The following SP140 variants were observed in gnomAD, a reference collection of about 807,000 sequenced individuals.
The protein encoded by SP140 is nuclear body protein SP140.
A neutral mutation model predicts 125.0 loss-of-function variants in SP140; 81 were observed. The observed-to-expected ratio is 0.65, with a 90% CI of 0.54 to 0.78. The LOEUF (loss-of-function observed/expected upper bound fraction) is 0.78. Among genes scored for constraint, SP140 ranks in the 30% least tolerant of loss-of-function variants. SP140 has a pLI of 0.00. For missense variants in SP140, 858 were observed against 1,037.0 expected, an observed-to-expected ratio of 0.83 and a Z score of 2.37; for synonymous variants, 312 against 354.0, an observed-to-expected ratio of 0.88 and a Z score of 1.33.
Position 230,269,606 on chromosome 2 carries a change from G to T in SP140, c.1315G>T (p.Asp439Tyr). The T allele has an allele frequency of 6.4e-7, 1 of 1,558,450 alleles. No homozygotes were observed. The highest frequency in any genetic ancestry group is 1.2e-5 in the South Asian group (1 of 85,438). The change falls in exon 13 of 27, where the codon GAT becomes TAT. Residue 439 changes from aspartate to tyrosine, a missense_variant. Asp to Tyr is a radical substitution (Grantham distance 160, BLOSUM62 -3). Around this residue, in one of 4 missense-constraint regions of SP140, gnomAD observed 791 missense variants for 869.5 expected, o/e 0.91. Coordinates refer to ENST00000392045, the MANE Select transcript of SP140 (RefSeq NM_007237.5). ...SEELASSLLY[D>Y]NVPGAEQSAY... ...AGAGCTTGCTTCTAGCCTGCTATATGATAATGTACCAGGTAATTATGACTT... is the reference window on the plus strand; with the variant it reads ...AGAGCTTGCTTCTAGCCTGCTATATTATAATGTACCAGGTAATTATGACTT...
chr2:230,243,655 CATT>C (rs979502135), intron 4 of SP140, 73 bp from the exon 5 acceptor site: 49 of 1,194,184 alleles, frequency 4.1e-5, no homozygotes, highest in Non-Finnish European at 5.5e-5. Flanking sequence ...TTAGTTTTCT[CATT>C]ATTTGTTTTC....
intron 12 of SP140, among the ~76,000 whole-genome samples, chr2:230,268,355 C>G (rs2053435025): frequency 6.6e-6 from 1 of 152,034 alleles, no homozygotes; most frequent in South Asian, 2.1e-4. Context: ...GAAATCCCCT[C>G]TCTACTAAAA....
intron 9 of SP140, among the ~76,000 whole-genome samples, chr2:230,249,625 T>A (rs2050048159): frequency 1.3e-5 from 2 of 151,162 alleles, no homozygotes; most frequent in African/African-American, 4.9e-5. Context: ...AGGAGAAAAG[T>A]TAGAGAAAAT....
chr2:230,202,773 A>G, upstream of SP140: 1 of 1,598,986 alleles, frequency 6.3e-7, no homozygotes, highest in South Asian at 1.1e-5. Flanking sequence ...TGGGGTCTTC[A>G]GTGAGCCTCC....
At chr2:230,241,383 T>C in intron 3 of SP140, 21 bp from the exon 4 acceptor site, 1 of 1,495,804 alleles carries the variant, frequency 6.7e-7, no homozygotes, top group Non-Finnish European at 9.3e-7. Context: ...AGTTTGGTAA[T>C]TTTCACATTG....
rs1237800127 is a variant in SP140, at chr2:230,237,357, G to T, written c.237+97G>T. On this transcript the variant is annotated intron_variant, in intron 2 of 26. Coordinates refer to ENST00000392045, the MANE Select transcript of SP140 (RefSeq NM_007237.5). This position sits in a 1 kb window ranked among gnomAD's most constrained non-coding sequence, Gnocchi z 5.4. ...GCAGGCTAAAGGGCCTCCTGTGAGT[G>T]GGGACCTTCACCATTCTGTAGGTTA... The T allele has an allele frequency of 1.9e-6, 2 of 1,067,664 alleles. No homozygotes were observed. The allele number at this position is 1,067,664 out of a possible 1,614,324, so 66.1% of individuals were successfully genotyped here.
At chr2:230,274,127 T>C (rs981330569) in intron 15 of SP140, among the ~76,000 whole-genome samples, 5 of 141,688 alleles carry the variant, frequency 3.5e-5, no homozygotes, top group Middle Eastern at 7.6e-3. Context: ...AAAAAAAAAA[T>C]AGATGTGTGA....
intron 3 of SP140, among the ~76,000 whole-genome samples, chr2:230,240,218 GA>G (rs1376596426): frequency 3.5e-4 from 8 of 23,090 alleles, no homozygotes; most frequent in Non-Finnish European, 8.4e-4. Context: ...GCTGCTAAAA[GA>G]GAAAACATAA....
chr2:230,299,458 C>T (rs772156979), intron 22 of SP140, among the ~76,000 whole-genome samples: 3 of 152,134 alleles, frequency 2.0e-5, no homozygotes, highest in Non-Finnish European at 4.4e-5. Flanking sequence ...CATTTCAGTC[C>T]CCAGGGAAGC....
At chr2:230,240,438 A>T (rs2048563533) in intron 3 of SP140, among the ~76,000 whole-genome samples, 2 of 152,256 alleles carry the variant, frequency 1.3e-5, no homozygotes, top group African/African-American at 4.8e-5. Flanking sequence ...TTGTACTCAC[A>T]AAATATGAAG....
chr2:230,201,021 C>T (rs567078797), upstream of SP140: 1 of 1,378,854 alleles, frequency 7.3e-7, no homozygotes, highest in African/African-American at 1.4e-5. Context: ...GGAGAATCTC[C>T]CAGAGACCCA....
At chr2:230,221,906 G>A (rs1022884878), upstream of SP140, 2 of 633,104 alleles carry the variant, frequency 3.2e-6, no homozygotes, top group Non-Finnish European at 5.6e-6. Flanking sequence ...AGCTGCGAAT[G>A]AGGATGAAAG....
intron 3 of SP140, chr2:230,215,176 A>G: frequency 1.5e-6 from 2 of 1,372,800 alleles, no homozygotes; most frequent in Non-Finnish European, 1.0e-6. Flanking sequence ...GGGAAGTTAT[A>G]CATTTATGGT....
At chr2:230,298,857 G>C (rs1424114415) in intron 22 of SP140, among the ~76,000 whole-genome samples, 3 of 152,282 alleles carry the variant, frequency 2.0e-5, no homozygotes, top group Non-Finnish European at 4.4e-5. Flanking sequence ...TACTAATTCT[G>C]ATACATAGAA....
chr2:230,195,039 C>T, the SP140 span, among the ~76,000 whole-genome samples: 821 of 151,838 alleles, frequency 5.4e-3, 3 homozygotes, highest in African/African-American at 0.019. Context: ...ACTTTTCTTC[C>T]TTATGTCTTG....
chr2:230,201,326 T>G (rs879370756), upstream of SP140, among the ~76,000 whole-genome samples: 2 of 152,182 alleles, frequency 1.3e-5, no homozygotes, highest in Non-Finnish European at 2.9e-5. Context: ...TTTCATAATA[T>G]GATGTTATTT....
chr2:230,286,921 A>G (rs1297480242), intron 17 of SP140, among the ~76,000 whole-genome samples: 1 of 152,196 alleles, frequency 6.6e-6, no homozygotes, highest in Non-Finnish European at 1.5e-5. Context: ...CATAGGCTGG[A>G]AAATATTTCC....
chr2:230,287,392 A>T (rs1430639610), intron 17 of SP140, among the ~76,000 whole-genome samples: 1 of 152,096 alleles, frequency 6.6e-6, no homozygotes, highest in African/African-American at 2.4e-5. Flanking sequence ...ACTGTCATTT[A>T]TTTGTGTCTC....
chr2:230,280,226 T>C (rs1184729196), intron 15 of SP140, among the ~76,000 whole-genome samples: 1 of 152,048 alleles, frequency 6.6e-6, no homozygotes, highest in Non-Finnish European at 1.5e-5. Context: ...TTGTAACTTT[T>C]TAATGGATGT....
Sources: gnomAD v4.1 joint callset for allele counts (sites outside exome capture counted in the v4.1 genomes callset) on GRCh38, gnomAD v4.1.1 for gene constraint, gnomAD v4.1.1 regional missense constraint, Gnocchi (gnomAD v3.1) non-coding constraint, MANE v1.5 for transcripts, NCBI Gene and HGNC (gene_info 2026-07-23, HGNC 2026-07-21) for gene names.